Variants in TM9SF4 observed in about 807,000 individuals in gnomAD.
TM9SF4 encodes the protein transmembrane 9 superfamily member 4, also known as dinucleotide oxidase disulfide thiol exchanger 3 superfamily member 4.
Under a neutral mutation model 90.4 loss-of-function variants are expected in TM9SF4, and 26 were observed. The ratio of observed to expected loss-of-function variants is 0.29; its 90% confidence interval spans 0.21 to 0.40. The LOEUF (loss-of-function observed/expected upper bound fraction) is 0.40, where lower values mean the gene tolerates loss of function less well. Among genes scored for constraint, TM9SF4 ranks in the 10% least tolerant of loss-of-function variants. The pLI is 1.00. For synonymous variants in TM9SF4, 293 were observed against 315.4 expected (o/e 0.93, Z 0.75); for missense variants, 549 against 834.8 (o/e 0.66, Z 4.22).
intron 2 of TM9SF4, among the ~76,000 whole-genome samples, chr20:32,134,124 A>G (rs1026536020): frequency 6.6e-6 from 1 of 151,948 alleles, no homozygotes; most frequent in Non-Finnish European, 1.5e-5. Context: ...CCAAGACCCC[A>G]TCTCTTAACC....
At chr20:32,152,446 A>C (rs1158413971) in intron 12 of TM9SF4, among the ~76,000 whole-genome samples, 1 of 150,518 alleles carries the variant, frequency 6.6e-6, no homozygotes, top group Non-Finnish European at 1.5e-5. Context: ...CTCATGCCTC[A>C]TTCCTTCTCA....
At chr20:32,160,254 C>T (rs2046995950) in intron 16 of TM9SF4, 143 bp downstream of exon 16, 1 of 1,212,498 alleles carries the variant, frequency 8.2e-7, no homozygotes, top group Admixed American at 2.3e-5. Flanking sequence ...CAGTACGTTG[C>T]TGTGCCTCTC....
chr20:32,119,992 TTTAA>T (rs542513136), intron 1 of TM9SF4, among the ~76,000 whole-genome samples: 28 of 152,328 alleles, frequency 1.8e-4, no homozygotes, highest in South Asian at 1.0e-3. Flanking sequence ...TTTATAGACT[TTTAA>T]TTATTTTCCA....
chr20:32,112,895 A>G (rs541296583), intron 1 of TM9SF4, among the ~76,000 whole-genome samples: 2 of 152,288 alleles, frequency 1.3e-5, no homozygotes, highest in Admixed American at 6.5e-5. Flanking sequence ...TATCTGGTGC[A>G]ATAGTGAAAA....
intron 17 of TM9SF4, among the ~76,000 whole-genome samples, chr20:32,163,268 AATATATATATATAT>A (rs1186662308): frequency 1.3e-5 from 1 of 74,498 alleles, no homozygotes; most frequent in South Asian, 3.5e-4. Flanking sequence ...AAAAAAAAAA[AATATATATATATAT>A]ATATATATAT....
rs1482300273 is a variant in TM9SF4 at position 32,133,024 on chromosome 20, G to A, written c.27G>A (p.Pro9=). 20 of 1,613,940 alleles carry A rather than the reference G, an allele frequency of 1.2e-5. No homozygotes were observed. The highest frequency in any genetic ancestry group is 1.6e-4 in the Middle Eastern group (1 of 6,082). Residue 9 remains proline (P), a synonymous_variant, in exon 2 of 18, where the codon CCG becomes CCA. Transcript: ENST00000398022. ...TCTCTTCTGAGCAGGATTGGTTGCC[G>A]TGGTCTTTACTGCTTTTCTCCCTGA... is the stretch of plus-strand genomic sequence containing the variant. MATAMDWL[P]WSLLLFSLMC... is the part of the protein sequence containing the mutation.
rs531426127 is a variant in TM9SF4, at chr20:32,167,156, T to A, written c.*1712T>A. On this transcript the variant is annotated 3_prime_UTR_variant, in exon 18 of 18. Coordinates refer to ENST00000398022, the MANE Select transcript of TM9SF4 (RefSeq NM_014742.4). ...CATAAAGGGTTCAAAGATCATCAATTTTTCTGACTTTTTAAATCATTATCA... is the reference window on the plus strand; with the variant it reads ...CATAAAGGGTTCAAAGATCATCAATATTTCTGACTTTTTAAATCATTATCA... 9 of 152,216 alleles carry A rather than the reference T, an allele frequency of 5.9e-5. No homozygotes were observed. Among genetic ancestry groups the A allele is most frequent in the Admixed American group, 5.9e-4 (9 of 15,294 alleles). 9.4% of individuals were successfully genotyped at this position (152,216 alleles called of 1,614,324 possible). A position where few individuals can be genotyped will look rare whatever the true frequency, so the allele number is the denominator to read the frequency against.
chr20:32,116,687 C>T (rs1362526819), intron 1 of TM9SF4: 1 of 152,100 alleles, frequency 6.6e-6, no homozygotes, highest in Non-Finnish European at 1.5e-5. Context: ...TCTGTGAGTT[C>T]TTTAGTTCCA....
At chr20:32,131,969 A>G (rs1401649615) in intron 1 of TM9SF4, among the ~76,000 whole-genome samples, 1 of 152,224 alleles carries the variant, frequency 6.6e-6, no homozygotes, top group Non-Finnish European at 1.5e-5. Context: ...CATATAGTAC[A>G]TGTCAATTAG....
At chr20:32,140,806 A>AG (rs1474931170) in intron 3 of TM9SF4, among the ~76,000 whole-genome samples, 1 of 151,560 alleles carries the variant, frequency 6.6e-6, no homozygotes, top group African/African-American at 2.4e-5. Flanking sequence ...CTTGTCCTGA[A>AG]GGGGTTAGGG....
Position 32,150,872 on chromosome 20 carries a change from C to G in TM9SF4, c.1242C>G (p.Phe414Leu), listed in dbSNP as rs758584818. 6.2e-7 allele frequency: 1 copy of G among 1,614,174 alleles called. No individual in the cohort carries two copies. The highest frequency in any genetic ancestry group is 8.5e-7 in the Non-Finnish European group (1 of 1,180,024). The change falls in exon 12 of 18, where the codon TTC (phenylalanine) becomes TTG (leucine). Residue 414 changes from phenylalanine (F) to leucine (L), a missense_variant. By Grantham distance (22) the Phe-to-Leu change is conservative. This residue lies in a region of TM9SF4 where 495 missense variants were observed against 711.7 expected (regional missense o/e 0.70). Transcript: ENST00000398022. ...GCCATCGGTGGAAGAAAGGAGCCTT[C>G]TGTGTGAGTGTCCTAAACCTTCTCT... is the stretch of plus-strand genomic sequence containing the variant. ...LKGHRWKKGA[F>L]CTATLYPGVV...
chr20:32,112,999 G>A (rs1471345793), intron 1 of TM9SF4, among the ~76,000 whole-genome samples: 1 of 152,142 alleles, frequency 6.6e-6, no homozygotes, highest in Non-Finnish European at 1.5e-5. Flanking sequence ...TTCATTACAC[G>A]GAAGTCAGAA....
chr20:32,114,739 G>A lies in TM9SF4; in HGVS notation c.15+4984G>A, dbSNP rs150351425. The stretch of plus-strand genomic sequence containing the variant: ...GTGCCATCAGTCTTGTGTGCAGGAA[G>A]TTGCTGTCTCCTCTGGACCCCATGT... On this transcript the variant is annotated intron_variant, in intron 1 of 17. Coordinates refer to ENST00000398022, the MANE Select transcript of TM9SF4 (RefSeq NM_014742.4). 1.4e-4 allele frequency among the ~76,000 whole-genome samples: 21 copies of A among 152,344 alleles called. No homozygotes were observed. In the East Asian group the frequency reaches 4.0e-3, roughly 29 times the overall value.
rs200664375 is a variant in TM9SF4 at position 32,121,209 on chromosome 20, CT to C, written c.15+11466del. Reference sequence around the variant, plus strand: ...TGTGCCTCTTTTTTTTTTTATTTTTCTTTTTTTTTTTTATTGATCATTCTTG... The same window carrying C: ...TGTGCCTCTTTTTTTTTTTATTTTTCTTTTTTTTTTTATTGATCATTCTTG... On this transcript the variant is annotated intron_variant, in intron 1 of 17. Transcript: ENST00000398022. 2.4e-4 allele frequency among the ~76,000 whole-genome samples: 33 copies of C among 138,254 alleles called. 1 individual carries two copies. Among genetic ancestry groups the C allele is most frequent in the South Asian group, 9.1e-4 (4 of 4,398 alleles). 90.7% of individuals were successfully genotyped at this position (138,254 alleles called of 152,430 possible).
At chr20:32,117,068 C>T (rs371294097) in intron 1 of TM9SF4, among the ~76,000 whole-genome samples, 4 of 150,554 alleles carry the variant, frequency 2.7e-5, no homozygotes, top group Admixed American at 2.6e-4. Context: ...TACAAAAATA[C>T]AAAAAAATTG....
chr20:32,165,389 T>C lies in TM9SF4; in HGVS notation c.1874T>C (p.Phe625Ser). 6.2e-7 allele frequency: 1 copy of C among 1,614,252 alleles called. No homozygotes were observed. The highest frequency in any genetic ancestry group is 1.7e-5 in the Admixed American group (1 of 60,028). The change falls in exon 18 of 18, where the codon TTC becomes TCC. Residue 625 changes from phenylalanine to serine, a missense_variant. By Grantham distance (155) the Phe-to-Ser change is radical. Transcript: ENST00000398022. ...SFWLLTGTIG[F>S]YAAYMFVRKI... The stretch of plus-strand genomic sequence containing the variant: ...TGGCTGCTAACGGGTACCATCGGCT[T>C]CTATGCAGCCTACATGTTTGTTCGC...
rs559479509 is a variant in TM9SF4 at position 32,124,382 on chromosome 20, G to A, written c.16-8631G>A. Among the ~76,000 whole-genome samples, 5 of 152,292 alleles carry A rather than the reference G, an allele frequency of 3.3e-5. No individual in the cohort carries two copies. In the South Asian group the frequency reaches 1.0e-3, roughly 32 times the overall value. On this transcript the variant is annotated intron_variant, in intron 1 of 17. Coordinates refer to ENST00000398022, the MANE Select transcript of TM9SF4 (RefSeq NM_014742.4). The stretch of plus-strand genomic sequence containing the variant: ...TAAGCAGTTCATCTGTGGCAGTACA[G>A]TTCTTCTTGAACACCTCTAATCGTG...
chr20:32,121,498 T>TC (rs1298690772), intron 1 of TM9SF4, among the ~76,000 whole-genome samples: 2 of 151,922 alleles, frequency 1.3e-5, no homozygotes, highest in Non-Finnish European at 2.9e-5. Flanking sequence ...AGCACATGTT[T>TC]CAGAGAGCAC....
chr20:32,143,242 A>G lies in TM9SF4; in HGVS notation c.652+137A>G, dbSNP rs2046707568. On this transcript the variant is annotated intron_variant, in intron 6 of 17. Transcript: ENST00000398022. ...GTGTGGGCCCAGCCAAGGTAGGATC[A>G]TGGTATTCTCATTAGAGAAGACGGG... 2.7e-6 allele frequency: 3 copies of G among 1,119,736 alleles called. No individual in the cohort carries two copies. The African/African-American group carries it at 4.7e-5, about 17-fold the overall frequency. The allele number at this position is 1,119,736 out of a possible 1,614,324, so 69.4% of individuals were successfully genotyped here.
Sources: gnomAD v4.1 joint callset for allele counts (sites outside exome capture counted in the v4.1 genomes callset) on GRCh38, gnomAD v4.1.1 for gene constraint, gnomAD v4.1.1 regional missense constraint, MANE v1.5 for transcripts, NCBI Gene and HGNC (gene_info 2026-07-23, HGNC 2026-07-21) for gene names.